The following MCM9 variants were observed in gnomAD, a reference collection of about 807,000 sequenced individuals.
MCM9 encodes minichromosome maintenance 9 homologous recombination repair factor, also known as DNA helicase MCM9.
In MCM9, 55 loss-of-function variants were observed where a neutral mutation model predicts 72.8. That is an observed-to-expected ratio of 0.76 (90% CI 0.61 to 0.95). The LOEUF (loss-of-function observed/expected upper bound fraction) is 0.95, where lower values mean the gene tolerates loss of function less well. MCM9 is among the 40% of genes least tolerant of loss of function. The probability of loss-of-function intolerance (pLI) is 0.00; values close to 1 mark genes in which losing one functional copy is unlikely to be tolerated. For missense variants in MCM9, 1,279 were observed against 1,377.0 expected, an observed-to-expected ratio of 0.93 and a Z score of 1.13; for synonymous variants, 480 against 503.4, an observed-to-expected ratio of 0.95 and a Z score of 0.62.
At chr6:118,835,599 T>C (rs939970539) in intron 9 of MCM9, among the ~76,000 whole-genome samples, 1 of 152,196 alleles carries the variant, frequency 6.6e-6, no homozygotes, top group Admixed American at 6.5e-5. Context: ...GGTATTTTAT[T>C]CTCTTTGTAG....
At chr6:118,861,719 G>A (rs1776917539) in intron 8 of MCM9, among the ~76,000 whole-genome samples, 2 of 152,166 alleles carry the variant, frequency 1.3e-5, no homozygotes, top group Admixed American at 6.5e-5. Context: ...GGGAGGAAGT[G>A]CATGCTGACT....
chr6:118,929,294 T>C (rs183554721), intron 3 of MCM9, among the ~76,000 whole-genome samples: 5 of 152,294 alleles, frequency 3.3e-5, no homozygotes, highest in East Asian at 1.9e-4. Flanking sequence ...CATACAATAA[T>C]GCTTAATATA....
chr6:118,845,127 C>T (rs1272028405), intron 9 of MCM9, among the ~76,000 whole-genome samples: 1 of 151,624 alleles, frequency 6.6e-6, no homozygotes, highest in African/African-American at 2.4e-5. Context: ...GAAACGGAGA[C>T]AGGAAGGAGA....
rs1583308715 is a variant in MCM9, at chr6:118,815,012, C to A, written c.3244G>T (p.Gly1082Cys). 6 of 1,550,238 alleles carry A rather than the reference C, an allele frequency of 3.9e-6. No individual in the cohort carries two copies. The change falls in exon 14 of 14, where the codon GGT (glycine) becomes TGT (cysteine). Residue 1082 changes from glycine (G) to cysteine (C), a missense_variant. Gly to Cys is a radical substitution (Grantham distance 159). Coordinates refer to ENST00000619706, the MANE Select transcript of MCM9 (RefSeq NM_017696.3). ...GGAGGGGAGCTTGGGCCTCTCTCAC[C>A]TCGGTTCTTCCTTTCAGGAGGAGGG... ...KSPPPERKNRGERGPSSPPTT... is the reference protein window; with the variant it reads ...KSPPPERKNRCERGPSSPPTT...
intron 10 of MCM9, among the ~76,000 whole-genome samples, chr6:118,828,556 T>C (rs1449033758): frequency 1.3e-5 from 2 of 152,116 alleles, no homozygotes; most frequent in East Asian, 3.9e-4. Flanking sequence ...CAGCTGATTT[T>C]TGAATTTTAG....
At chr6:118,851,473 A>T (rs1776221541) in intron 9 of MCM9, among the ~76,000 whole-genome samples, 1 of 151,898 alleles carries the variant, frequency 6.6e-6, no homozygotes, top group Admixed American at 6.5e-5. Context: ...TTTAAAATGC[A>T]TGATAATAAA....
At chr6:118,911,815 T>TTGTTG (rs1311016378) in intron 7 of MCM9, 46 bp from the exon 8 acceptor site, 2 of 1,469,024 alleles carry the variant, frequency 1.4e-6, no homozygotes, top group African/African-American at 2.8e-5. Context: ...TATAAAAGGG[T>TTGTTG]CCATTTGGAA....
In MCM9 at chr6:118,917,658, T is replaced by G. The variant is rs1409155621; in HGVS notation, c.807A>C (p.Gln269His). Residue 269 changes from glutamine to histidine, a missense_variant, in exon 6 of 14, where the codon CAA (glutamine) becomes CAC (histidine). By Grantham distance (24) the Gln-to-His change is conservative. Coordinates refer to ENST00000619706, the MANE Select transcript of MCM9 (RefSeq NM_017696.3). ...TCCCTGAGGACTGCTCATTATTTACTTGGATGTAATTTGCTTTCAGGACTA... is the reference window on the plus strand; with the variant it reads ...TCCCTGAGGACTGCTCATTATTTACGTGGATGTAATTTGCTTTCAGGACTA... ...VEIVLKANYI[Q>H]VNNEQSSGII... 15 of 1,614,194 alleles carry G rather than the reference T, an allele frequency of 9.3e-6. No homozygotes were observed. The highest frequency in any genetic ancestry group is 4.5e-5 in the East Asian group (2 of 44,882).
At chr6:118,885,888 C>G (rs553137552) in intron 8 of MCM9, among the ~76,000 whole-genome samples, 1 of 151,944 alleles carries the variant, frequency 6.6e-6, no homozygotes, top group African/African-American at 2.4e-5. Flanking sequence ...ATATCACTTA[C>G]GAATACAGAT....
At chr6:118,819,101 T>C (rs1562397398) in intron 13 of MCM9, among the ~76,000 whole-genome samples, 1 of 152,206 alleles carries the variant, frequency 6.6e-6, no homozygotes, top group Non-Finnish European at 1.5e-5. Flanking sequence ...CCTATATGAA[T>C]ATCCTTTATT....
intron 3 of MCM9, among the ~76,000 whole-genome samples, chr6:118,924,485 A>G (rs1781712262): frequency 6.6e-6 from 1 of 152,234 alleles, no homozygotes; most frequent in Non-Finnish European, 1.5e-5. Flanking sequence ...TTAACAAAAA[A>G]TATATTGCCA....
At chr6:118,825,656 T>A (rs1774119376) in intron 13 of MCM9, among the ~76,000 whole-genome samples, 1 of 152,228 alleles carries the variant, frequency 6.6e-6, no homozygotes, top group Non-Finnish European at 1.5e-5. Flanking sequence ...GAAGTCCACA[T>A]ATTTCGGGAG....
intron 3 of MCM9, among the ~76,000 whole-genome samples, chr6:118,929,736 G>A (rs1443633829): frequency 6.6e-6 from 1 of 152,144 alleles, no homozygotes; most frequent in African/African-American, 2.4e-5. Flanking sequence ...ACTTTGGGAG[G>A]CCAGAGGAGG....
chr6:118,826,339 T>G, intron 12 of MCM9, 47 bp from the exon 13 acceptor site: 1 of 1,530,550 alleles, frequency 6.5e-7, no homozygotes, highest in South Asian at 1.2e-5. Flanking sequence ...CCAGCCTGCA[T>G]AGCGGTAAGT....
chr6:118,922,994 T>C (rs1171672419), intron 4 of MCM9, among the ~76,000 whole-genome samples: 2 of 135,664 alleles, frequency 1.5e-5, no homozygotes, highest in African/African-American at 5.7e-5. Flanking sequence ...ATCACACCAT[T>C]GCACTCCAGC....
At chr6:118,929,405 A>C (rs1414301330) in intron 3 of MCM9, among the ~76,000 whole-genome samples, 3 of 152,184 alleles carry the variant, frequency 2.0e-5, no homozygotes, top group African/African-American at 7.2e-5. Flanking sequence ...GGAGGGAAAA[A>C]CTATATTCTT....
intron 9 of MCM9, among the ~76,000 whole-genome samples, chr6:118,829,792 A>T (rs2114558597): frequency 6.6e-6 from 1 of 152,298 alleles, no homozygotes; most frequent in East Asian, 1.9e-4. Flanking sequence ...ATGACTCTGG[A>T]GAATAGTGAG....
At chr6:118,896,443 C>T (rs1562428261) in intron 8 of MCM9, among the ~76,000 whole-genome samples, 1 of 152,128 alleles carries the variant, frequency 6.6e-6, no homozygotes. Context: ...AGATAGATGA[C>T]TCAGGATGTC....
Position 118,923,888 on chromosome 6 carries a change from T to C in MCM9, c.544A>G (p.Lys182Glu), listed in dbSNP as rs149844896. ...CPSLESCDSSKFTCLSGLSSS... is the reference protein window; with the variant it reads ...CPSLESCDSSEFTCLSGLSSS... ...GACAAGCCTGAGAGGCAAGTGAATT[T>C]AGAGGAATCACAGCTCTCCAAGCTG... The change falls in exon 4 of 14, where the codon AAA (lysine) becomes GAA (glutamate). Residue 182 changes from lysine to glutamate, a missense_variant. Lys to Glu is a moderately conservative substitution (Grantham distance 56). Coordinates refer to ENST00000619706, the MANE Select transcript of MCM9 (RefSeq NM_017696.3). 162 of 1,614,106 alleles carry C rather than the reference T, an allele frequency of 1.0e-4. No individual in the cohort carries two copies. The highest frequency in any genetic ancestry group is 1.2e-4 in the Non-Finnish European group (147 of 1,180,044).
Sources: gnomAD v4.1 joint callset for allele counts (sites outside exome capture counted in the v4.1 genomes callset) on GRCh38, gnomAD v4.1.1 for gene constraint, MANE v1.5 for transcripts, NCBI Gene and HGNC (gene_info 2026-07-23, HGNC 2026-07-21) for gene names.